MDGA2: variants seen among roughly 807,000 people sequenced by gnomAD.
MDGA2 encodes MAM domain-containing glycosylphosphatidylinositol anchor protein 2.
Under a neutral mutation model 117.8 loss-of-function variants are expected in MDGA2, and 40 were observed. The observed-to-expected ratio is 0.34, with a 90% CI of 0.26 to 0.44. The LOEUF is 0.44. Ranked by LOEUF, MDGA2 falls within the 20% of genes least tolerant of loss-of-function variation. MDGA2 has a pLI of 1.00. For synonymous variants in MDGA2, 452 were observed against 439.0 expected (o/e 1.03, Z -0.37); for missense variants, 1,123 against 1,250.6 (o/e 0.90, Z 1.54).
chr14:47,542,277 A>C (rs563259509), intron 1 of MDGA2, among the ~76,000 whole-genome samples: 79 of 152,326 alleles, frequency 5.2e-4, no homozygotes, highest in African/African-American at 1.6e-3. Flanking sequence ...TTAAGATTGT[A>C]TTTTATAGGG....
At chr14:47,555,905 A>G (rs1212483678) in intron 1 of MDGA2, among the ~76,000 whole-genome samples, 6 of 152,288 alleles carry the variant, frequency 3.9e-5, no homozygotes, top group African/African-American at 1.4e-4. Context: ...CCCCCTAGCC[A>G]TCAGTGAGAG....
chr14:47,044,725 C>G (rs1889195512), intron 7 of MDGA2, among the ~76,000 whole-genome samples: 2 of 152,120 alleles, frequency 1.3e-5, no homozygotes, highest in Non-Finnish European at 2.9e-5. Flanking sequence ...GTTTACAAAT[C>G]TAGCAATTGA....
rs528008614 is a variant in MDGA2 at position 46,916,854 on chromosome 14, C to T, written c.2238+3158G>A. Among the ~76,000 whole-genome samples the T allele has an allele frequency of 5.9e-5, 9 of 152,044 alleles. No homozygotes were observed. The East Asian group carries it at 1.4e-3, about 23-fold the overall frequency. On this transcript the variant is annotated intron_variant, in intron 10 of 16. Coordinates refer to ENST00000399232, the MANE Select transcript of MDGA2 (RefSeq NM_001113498.3). ...TCATAAAAAGCACCCTAGAAAAAAA[C>T]GCTTATTTCTAAATATAAAAGAAAA...
intron 10 of MDGA2, among the ~76,000 whole-genome samples, chr14:46,893,479 G>A (rs1882959390): frequency 6.6e-6 from 1 of 151,844 alleles, no homozygotes; most frequent in African/African-American, 2.4e-5. Flanking sequence ...ATATAAATTT[G>A]CTAAGAGAGT....
chr14:47,330,662 A>G (rs1186980946), intron 1 of MDGA2, among the ~76,000 whole-genome samples: 1 of 151,884 alleles, frequency 6.6e-6, no homozygotes, highest in Non-Finnish European at 1.5e-5. Flanking sequence ...TACAGTAAAT[A>G]TTATAATAAA....
intron 8 of MDGA2, among the ~76,000 whole-genome samples, chr14:46,983,271 T>C (rs569027768): frequency 2.6e-4 from 39 of 152,308 alleles, no homozygotes; most frequent in African/African-American, 8.9e-4. Flanking sequence ...ATGTACCTTA[T>C]TCAGTGGCTT....
At chr14:47,384,844 A>G (rs1566763827) in intron 1 of MDGA2, among the ~76,000 whole-genome samples, 1 of 152,234 alleles carries the variant, frequency 6.6e-6, no homozygotes, top group Non-Finnish European at 1.5e-5. Flanking sequence ...AGAACACTGC[A>G]GAGCTAATCA....
At chr14:47,160,529 T>A (rs1422982473) in intron 3 of MDGA2, among the ~76,000 whole-genome samples, 1 of 152,136 alleles carries the variant, frequency 6.6e-6, no homozygotes, top group Non-Finnish European at 1.5e-5. Flanking sequence ...CTGGGCATGG[T>A]GCATCCTGTA....
chr14:47,343,027 GA>G (rs1274042602), intron 1 of MDGA2: 4 of 1,269,080 alleles, frequency 3.2e-6, no homozygotes, highest in Non-Finnish European at 4.1e-6. Flanking sequence ...CAGAGTGGGA[GA>G]AGCAGGCAGC....
chr14:47,128,605 C>A (rs1012591692), intron 5 of MDGA2, among the ~76,000 whole-genome samples: 2 of 151,892 alleles, frequency 1.3e-5, no homozygotes, highest in African/African-American at 4.8e-5. Flanking sequence ...ATCCAATTTC[C>A]CCTTTTTTAA....
intron 14 of MDGA2, among the ~76,000 whole-genome samples, chr14:46,867,778 A>T (rs887509587): frequency 1.3e-5 from 2 of 152,052 alleles, no homozygotes; most frequent in African/African-American, 4.8e-5. Context: ...TATTGCTGGT[A>T]ACATTACTCA....
At chr14:47,461,269 A>ATGTGTGTGTGTGTGTG (rs55889646) in intron 1 of MDGA2, among the ~76,000 whole-genome samples, 45,547 of 142,590 alleles carry the variant, frequency 0.32, 7,545 homozygotes, top group Middle Eastern at 0.43. Context: ...AAAAAAATGT[A>ATGTGTGTGTGTGTGTG]TGTGTGTGTG....
chr14:47,049,741 GT>G (rs1889389728), intron 7 of MDGA2, among the ~76,000 whole-genome samples: 1 of 151,906 alleles, frequency 6.6e-6, no homozygotes, highest in Non-Finnish European at 1.5e-5. Flanking sequence ...TGCATAGAAT[GT>G]TTTCAAAAGT....
chr14:47,654,355 T>A (rs1897700507), intron 1 of MDGA2, among the ~76,000 whole-genome samples: 1 of 152,100 alleles, frequency 6.6e-6, no homozygotes, highest in South Asian at 2.1e-4. Flanking sequence ...GACTAGTGTT[T>A]CCTGCTTGAA....
chr14:47,609,466 A>ATATATATATATAT (rs1566539792), intron 1 of MDGA2, among the ~76,000 whole-genome samples: 30 of 20,754 alleles, frequency 1.4e-3, no homozygotes, highest in South Asian at 3.6e-3. Context: ...TATATATATA[A>ATATATATATATAT]GTTTCTTTAT....
At chr14:46,867,039 T>C (rs966577510) in intron 14 of MDGA2, among the ~76,000 whole-genome samples, 3 of 152,236 alleles carry the variant, frequency 2.0e-5, no homozygotes, top group Admixed American at 6.5e-5. Context: ...ATCCCATTAC[T>C]GGGTATATAC....
At chr14:47,293,157 G>A (rs1888946264) in intron 2 of MDGA2, among the ~76,000 whole-genome samples, 1 of 152,014 alleles carries the variant, frequency 6.6e-6, no homozygotes, top group African/African-American at 2.4e-5. Flanking sequence ...GAATGCCTTG[G>A]GAACCCTCTA....
intron 1 of MDGA2, among the ~76,000 whole-genome samples, chr14:47,426,991 C>T (rs571117024): frequency 3.3e-5 from 5 of 151,970 alleles, no homozygotes; most frequent in African/African-American, 1.2e-4. Context: ...TAATAGTTAG[C>T]AAGGACTAAT....
At chr14:46,979,009 G>A (rs1307433352) in intron 8 of MDGA2, among the ~76,000 whole-genome samples, 2 of 152,046 alleles carry the variant, frequency 1.3e-5, no homozygotes, top group Non-Finnish European at 2.9e-5. Context: ...TTTACAAATT[G>A]AAGATCTGTG....
Sources: allele counts gnomAD v4.1 joint callset (sites outside exome capture counted in the v4.1 genomes callset), GRCh38; gene constraint gnomAD v4.1.1; transcripts MANE v1.5; gene names NCBI Gene and HGNC (gene_info 2026-07-23, HGNC 2026-07-21).